Variants in RERE observed in about 807,000 individuals in gnomAD.
RERE encodes the protein arginine-glutamic acid dipeptide repeats protein.
A neutral mutation model predicts 146.1 loss-of-function variants in RERE; 40 were observed. That is an observed-to-expected ratio of 0.27 (90% CI 0.21 to 0.36). The LOEUF (loss-of-function observed/expected upper bound fraction) is 0.36, where lower values mean the gene tolerates loss of function less well. Among genes scored for constraint, RERE ranks in the 10% least tolerant of loss-of-function variants. The pLI, the probability that RERE is intolerant of heterozygous loss-of-function variation, is 1.00. For synonymous variants in RERE, 1,003 were observed against 866.0 expected, an observed-to-expected ratio of 1.16 and a Z score of -2.78; for missense variants, 1,933 against 2,138.7, an observed-to-expected ratio of 0.90 and a Z score of 1.90.
At chr1:8,797,525 A>G (rs1259680803) in intron 1 of RERE, among the ~76,000 whole-genome samples, 2 of 152,238 alleles carry the variant, frequency 1.3e-5, no homozygotes, top group Non-Finnish European at 2.9e-5. Context: ...AAAAATGACC[A>G]GACTAACTAG....
chr1:8,702,316 C>T lies in RERE; in HGVS notation c.-144-45875G>A, dbSNP rs1239766796. Among the ~76,000 whole-genome samples the T allele has an allele frequency of 2.6e-5, 4 of 152,144 alleles. No individual in the cohort carries two copies. The East Asian group carries it at 5.8e-4, about 22-fold the overall frequency. On this transcript the variant is annotated intron_variant, in intron 1 of 22. Coordinates refer to ENST00000400908, the MANE Select transcript of RERE (RefSeq NM_001042681.2). ...GCGCGGGGCACATGTGCGCCAGGGACGCTTAAGGGCTGCAAGTAAAACAAA... is the reference window on the plus strand; with the variant it reads ...GCGCGGGGCACATGTGCGCCAGGGATGCTTAAGGGCTGCAAGTAAAACAAA...
intron 1 of RERE, among the ~76,000 whole-genome samples, chr1:8,799,688 GT>G (rs1641549220): frequency 1.3e-5 from 2 of 152,068 alleles, no homozygotes; most frequent in African/African-American, 4.8e-5. Context: ...CCCAGGACAG[GT>G]TTGAATGAGG....
Position 8,359,774 on chromosome 1 carries a change from T to G in RERE, c.3608A>C (p.Glu1203Ala), listed in dbSNP as rs1293730219. ...CAACCCTGGACTCACAGCCGCCCGC[T>G]CTGCCTCGCGCTCCCGCTCTCGCTC... ...EREREREREA[E>A]RAAKASSSAH... Residue 1203 changes from glutamate (E) to alanine (A), a missense_variant, in exon 19 of 23, where the codon GAG becomes GCG. By Grantham distance (107) the Glu-to-Ala change is moderately radical. This residue lies in a region of RERE where 1,255 missense variants were observed against 1,153.8 expected (regional missense o/e 1.09). Transcript: ENST00000400908. The G allele has an allele frequency of 8.1e-6, 13 of 1,600,998 alleles. No individual in the cohort carries two copies. The highest frequency in any genetic ancestry group is 1.1e-5 in the Non-Finnish European group (13 of 1,179,464).
At chr1:8,469,920 T>C (rs531494439) in intron 10 of RERE, among the ~76,000 whole-genome samples, 1 of 152,194 alleles carries the variant, frequency 6.6e-6, no homozygotes, top group Non-Finnish European at 1.5e-5. Flanking sequence ...GTGATGAGCT[T>C]AATGGGGAAA....
chr1:8,740,574 C>T (rs552778053), intron 1 of RERE, among the ~76,000 whole-genome samples: 1 of 152,332 alleles, frequency 6.6e-6, no homozygotes, highest in Non-Finnish European at 1.5e-5. Flanking sequence ...AACAACTCAG[C>T]TTAAAACACA....
intron 9 of RERE, 152 bp downstream of exon 9, chr1:8,497,253 C>A: frequency 9.4e-6 from 6 of 637,238 alleles, no homozygotes; most frequent in Admixed American, 3.6e-5. Context: ...GTAAGAAGAG[C>A]CAGGGTCCCG....
chr1:8,785,369 GCATATTA>G (rs1272577085), intron 1 of RERE, among the ~76,000 whole-genome samples: 1 of 152,144 alleles, frequency 6.6e-6, no homozygotes, highest in Non-Finnish European at 1.5e-5. Context: ...CCAGAATTCA[GCATATTA>G]CTTATCCAAG....
intron 4 of RERE, among the ~76,000 whole-genome samples, chr1:8,573,354 T>C (rs866202199): frequency 2.0e-5 from 3 of 152,070 alleles, no homozygotes; most frequent in African/African-American, 7.2e-5. Flanking sequence ...TAACTAAAAA[T>C]ACATAAGGTA....
intron 1 of RERE, among the ~76,000 whole-genome samples, chr1:8,798,211 A>G (rs1409335318): frequency 6.6e-6 from 1 of 152,134 alleles, no homozygotes; most frequent in African/African-American, 2.4e-5. Context: ...CCTGGCCAAC[A>G]AGGCGAAACC....
intron 11 of RERE, among the ~76,000 whole-genome samples, chr1:8,463,430 T>C (rs1338537907): frequency 1.3e-5 from 2 of 152,166 alleles, no homozygotes; most frequent in African/African-American, 2.4e-5. Context: ...TTTTTCAAAA[T>C]AAACCAGGCT....
chr1:8,621,970 A>G (rs1646921708), intron 3 of RERE, among the ~76,000 whole-genome samples: 3 of 152,246 alleles, frequency 2.0e-5, no homozygotes, highest in African/African-American at 7.2e-5. Flanking sequence ...AACAACTATG[A>G]GGATGTGCTG....
chr1:8,366,123 C>A (rs1487402236), intron 12 of RERE, 149 bp from the exon 13 acceptor site: 2 of 875,014 alleles, frequency 2.3e-6, no homozygotes, highest in Non-Finnish European at 3.4e-6. Context: ...GGGAGAGGAA[C>A]TGGGCTTGCC....
At chr1:8,753,692 A>G (rs1640582569) in intron 1 of RERE, 1 of 152,232 alleles carries the variant, frequency 6.6e-6, no homozygotes, top group South Asian at 2.1e-4. Flanking sequence ...TTTCAGATAA[A>G]TAAGCCAAAC....
chr1:8,415,485 T>C (rs1643735002), intron 12 of RERE, among the ~76,000 whole-genome samples: 1 of 152,242 alleles, frequency 6.6e-6, no homozygotes, highest in South Asian at 2.1e-4. Flanking sequence ...CTATAAGTAA[T>C]ACATTTCAAA....
chr1:8,466,159 A>T, intron 10 of RERE, 136 bp from the exon 11 acceptor site: 2 of 690,800 alleles, frequency 2.9e-6, no homozygotes, highest in Non-Finnish European at 4.7e-6. Flanking sequence ...TCATTTCAGT[A>T]GGCGCAGGAA....
In RERE at chr1:8,359,782, G is replaced by A. The variant is rs1336575895; in HGVS notation, c.3600C>T (p.Arg1200=). 2.1e-5 allele frequency: 34 copies of A among 1,600,934 alleles called. No individual in the cohort carries two copies. The highest frequency in any genetic ancestry group is 6.6e-5 in the South Asian group (6 of 90,890). The part of the protein sequence containing the change: ...KERERERERE[R]EAERAAKASS... The stretch of plus-strand genomic sequence containing the variant: ...GACTCACAGCCGCCCGCTCTGCCTC[G>A]CGCTCCCGCTCTCGCTCCCGCTCCC... The change falls in exon 19 of 23, where the codon CGC becomes CGT. Residue 1200 remains arginine, a synonymous_variant. Transcript: ENST00000400908.
At chr1:8,453,703 G>A (rs1289138835) in intron 11 of RERE, among the ~76,000 whole-genome samples, 1 of 152,198 alleles carries the variant, frequency 6.6e-6, no homozygotes, top group Non-Finnish European at 1.5e-5. Context: ...CTACTGGGGA[G>A]GCTGAAGTGG....
intron 12 of RERE, among the ~76,000 whole-genome samples, chr1:8,388,774 A>G (rs1312842120): frequency 6.6e-6 from 1 of 152,256 alleles, no homozygotes; most frequent in Non-Finnish European, 1.5e-5. Context: ...TTCTGCATTT[A>G]AAGAAAGGTT....
At chr1:8,594,542 A>T (rs1481813610) in intron 4 of RERE, among the ~76,000 whole-genome samples, 1 of 152,226 alleles carries the variant, frequency 6.6e-6, no homozygotes. Flanking sequence ...AATTTTTATA[A>T]TAATTTAGCC....
Sources: gnomAD v4.1 joint callset for allele counts (sites outside exome capture counted in the v4.1 genomes callset) on GRCh38, gnomAD v4.1.1 for gene constraint, gnomAD v4.1.1 regional missense constraint, MANE v1.5 for transcripts, NCBI Gene and HGNC (gene_info 2026-07-23, HGNC 2026-07-21) for gene names.